DOCK3: variants seen among roughly 807,000 people sequenced by gnomAD.
DOCK3 encodes the protein dedicator of cytokinesis 3, also known as dedicator of cytokinesis protein 3.
DOCK3 carries 60 observed loss-of-function variants against 265.6 expected under a neutral mutation model. The ratio of observed to expected loss-of-function variants is 0.23; its 90% CI spans 0.18 to 0.28. The LOEUF (loss-of-function observed/expected upper bound fraction) is 0.28. Ranked by LOEUF, DOCK3 falls within the 10% of genes least tolerant of loss-of-function variation. The pLI is 1.00. For missense variants in DOCK3, 1,981 were observed against 2,594.3 expected, an observed-to-expected ratio of 0.76 and a Z score of 5.14; for synonymous variants, 881 against 938.0, an observed-to-expected ratio of 0.94 and a Z score of 1.11.
intron 2 of DOCK3, among the ~76,000 whole-genome samples, chr3:50,782,056 T>C (rs2041942465): frequency 6.6e-6 from 1 of 152,180 alleles, no homozygotes; most frequent in Non-Finnish European, 1.5e-5. Flanking sequence ...TCCATGTCTT[T>C]GCTATTGTGA....
chr3:51,266,451 A>G (rs1028952440), intron 23 of DOCK3, among the ~76,000 whole-genome samples: 3 of 152,228 alleles, frequency 2.0e-5, no homozygotes, highest in African/African-American at 7.2e-5. Flanking sequence ...ACAGTAACCA[A>G]AACAGTATGG....
chr3:51,187,562 A>G (rs2087682498), intron 12 of DOCK3, among the ~76,000 whole-genome samples: 2 of 152,142 alleles, frequency 1.3e-5, no homozygotes. Context: ...AGCCAAGGGT[A>G]GAATGATATG....
intron 4 of DOCK3, among the ~76,000 whole-genome samples, chr3:50,922,937 G>T (rs1302543830): frequency 6.6e-6 from 1 of 151,862 alleles, no homozygotes; most frequent in Non-Finnish European, 1.5e-5. Flanking sequence ...TTTTCCCCGA[G>T]TCCCCAAAGT....
At chr3:50,819,591 C>T (rs1026795295) in intron 2 of DOCK3, among the ~76,000 whole-genome samples, 5 of 152,100 alleles carry the variant, frequency 3.3e-5, no homozygotes, top group Non-Finnish European at 7.4e-5. Flanking sequence ...TCTAGTTGTC[C>T]TCATTTCTCA....
chr3:51,260,187 A>G lies in DOCK3; in HGVS notation c.2216A>G (p.Gln739Arg), dbSNP rs371256762. The change falls in exon 23 of 53, where the codon CAG becomes CGG. Residue 739 changes from glutamine to arginine, a missense_variant. Physicochemically the swap from Gln to Arg is conservative, Grantham distance 43. Transcript: ENST00000266037. ...ALEYLFKFIV[Q>R]SRILYSRATC... ...GAGTACCTTTTCAAGTTCATTGTAC[A>G]GTCACGGATCCTGTACTCACGAGCC... 3.7e-6 allele frequency: 6 copies of G among 1,613,570 alleles called. No homozygotes were observed. The African/African-American group carries it at 5.3e-5, about 14-fold the overall frequency.
At chr3:51,200,406 C>T (rs1056682003) in intron 12 of DOCK3, among the ~76,000 whole-genome samples, 7 of 133,060 alleles carry the variant, frequency 5.3e-5, no homozygotes, top group African/African-American at 1.2e-4. Flanking sequence ...GGAGCCGATG[C>T]GATCAACTGG....
intron 5 of DOCK3, among the ~76,000 whole-genome samples, chr3:51,055,006 T>G (rs1257878159): frequency 6.6e-6 from 1 of 152,236 alleles, no homozygotes; most frequent in African/African-American, 2.4e-5. Context: ...CATTCATATT[T>G]AAGAATGAGG....
At chr3:51,134,008 C>T (rs1274795557) in intron 9 of DOCK3, among the ~76,000 whole-genome samples, 1 of 152,180 alleles carries the variant, frequency 6.6e-6, no homozygotes, top group Non-Finnish European at 1.5e-5. Flanking sequence ...TTAGTTCCCA[C>T]TTACAAGTGA....
At chr3:50,716,833 A>G (rs2037147886) in intron 1 of DOCK3, among the ~76,000 whole-genome samples, 1 of 152,120 alleles carries the variant, frequency 6.6e-6, no homozygotes, top group Non-Finnish European at 1.5e-5. Flanking sequence ...TAAAAATCCC[A>G]TGATAGGGTA....
chr3:50,766,807 T>C (rs2040911436), intron 1 of DOCK3, among the ~76,000 whole-genome samples: 1 of 152,236 alleles, frequency 6.6e-6, no homozygotes, highest in South Asian at 2.1e-4. Context: ...TTTTTAATGA[T>C]TGCCATTCTA....
At chr3:50,828,450 G>A (rs2355696) in intron 2 of DOCK3, among the ~76,000 whole-genome samples, 14,359 of 151,992 alleles carry the variant, frequency 0.094, 839 homozygotes, top group Non-Finnish European at 0.12. Context: ...TGTCACCCAG[G>A]CTGGAGTACA....
intron 5 of DOCK3, among the ~76,000 whole-genome samples, chr3:51,021,837 ATTTTT>A (rs1292857443): frequency 6.6e-6 from 1 of 151,658 alleles, no homozygotes; most frequent in Non-Finnish European, 1.5e-5. Context: ...AATTTTTTGT[ATTTTT>A]AGTAGAGAAG....
At chr3:51,320,344 A>T (rs1408279812) in intron 32 of DOCK3, among the ~76,000 whole-genome samples, 1 of 152,116 alleles carries the variant, frequency 6.6e-6, no homozygotes. Flanking sequence ...TCCAGTGCCT[A>T]TGCCACCAGG....
At chr3:50,841,596 A>G (rs190967418) in intron 2 of DOCK3, 79 bp from the exon 3 acceptor site, 6 of 597,208 alleles carry the variant, frequency 1.0e-5, no homozygotes, top group African/African-American at 3.6e-5. Flanking sequence ...GCATTTATCT[A>G]TTTTTTTCAA....
At chr3:51,084,078 A>G (rs951775623) in intron 7 of DOCK3, among the ~76,000 whole-genome samples, 4 of 152,182 alleles carry the variant, frequency 2.6e-5, no homozygotes, top group Non-Finnish European at 5.9e-5. Context: ...AAGAAAGCTT[A>G]TGTGACATAC....
chr3:50,914,524 G>T (rs1345529158), intron 4 of DOCK3, among the ~76,000 whole-genome samples: 1 of 152,040 alleles, frequency 6.6e-6, no homozygotes, highest in Non-Finnish European at 1.5e-5. Flanking sequence ...TCTTGTTGTT[G>T]ATATGTAGTT....
At chr3:51,331,800 AAAAAT>A (rs1046850682) in intron 33 of DOCK3, among the ~76,000 whole-genome samples, 3 of 152,202 alleles carry the variant, frequency 2.0e-5, no homozygotes, top group Non-Finnish European at 4.4e-5. Flanking sequence ...TCAAAAAAGA[AAAAAT>A]AAAGGATATG....
At chr3:51,337,860 A>G (rs1560461229) in intron 35 of DOCK3, among the ~76,000 whole-genome samples, 1 of 152,122 alleles carries the variant, frequency 6.6e-6, no homozygotes, top group Non-Finnish European at 1.5e-5. Flanking sequence ...ATGGCTCCAA[A>G]CACTAGTACA....
intron 1 of DOCK3, among the ~76,000 whole-genome samples, chr3:50,716,082 G>C (rs2037086419): frequency 6.6e-6 from 1 of 151,676 alleles, no homozygotes; most frequent in Non-Finnish European, 1.5e-5. Context: ...AGAGAACTTA[G>C]GTCATTTTTG....
Sources: gnomAD v4.1 joint callset for allele counts (sites outside exome capture counted in the v4.1 genomes callset) on GRCh38, gnomAD v4.1.1 for gene constraint, MANE v1.5 for transcripts, NCBI Gene and HGNC (gene_info 2026-07-23, HGNC 2026-07-21) for gene names.